Variants in GRM7 observed in about 807,000 individuals in gnomAD.
The protein encoded by GRM7 is glutamate metabotropic receptor 7.
A neutral mutation model predicts 84.5 loss-of-function variants in GRM7; 35 were observed. The ratio of observed to expected loss-of-function variants is 0.41; its 90% CI spans 0.32 to 0.55. The LOEUF is 0.55. GRM7 is among the 20% of genes least tolerant of loss of function. The pLI is 0.19. For missense variants in GRM7, 1,003 were observed against 1,194.6 expected, an observed-to-expected ratio of 0.84 and a Z score of 2.36; for synonymous variants, 487 against 455.1, an observed-to-expected ratio of 1.07 and a Z score of -0.89.
chr3:7,174,368 A>G (rs577376081), intron 2 of GRM7, among the ~76,000 whole-genome samples: 5 of 152,352 alleles, frequency 3.3e-5, no homozygotes, highest in Admixed American at 6.5e-5. Flanking sequence ...GTGACATCAT[A>G]GTGATTTAGA....
chr3:7,080,076 C>T (rs1289759100), intron 1 of GRM7, among the ~76,000 whole-genome samples: 1 of 152,114 alleles, frequency 6.6e-6, no homozygotes, highest in Non-Finnish European at 1.5e-5. Context: ...CTTCCTTATG[C>T]TTCCCCATTA....
chr3:7,263,540 G>A (rs576563348), intron 2 of GRM7, among the ~76,000 whole-genome samples: 2 of 152,312 alleles, frequency 1.3e-5, no homozygotes, highest in African/African-American at 4.8e-5. Context: ...GTCAGGGGCG[G>A]CTCCACCTCC....
chr3:7,071,787 A>G (rs966409981), intron 1 of GRM7, among the ~76,000 whole-genome samples: 8 of 152,104 alleles, frequency 5.3e-5, no homozygotes, highest in Non-Finnish European at 7.4e-5. Flanking sequence ...TAAAAGATAT[A>G]TTTATAATAA....
intron 2 of GRM7, 26 bp downstream of exon 2, chr3:7,146,694 C>T (rs370677852): frequency 3.5e-5 from 54 of 1,537,142 alleles, no homozygotes; most frequent in Middle Eastern, 1.7e-4. Flanking sequence ...TCTGATCAAG[C>T]TGGCTCTCTT....
chr3:7,180,667 G>T (rs1393133755), intron 2 of GRM7, among the ~76,000 whole-genome samples: 1 of 152,168 alleles, frequency 6.6e-6, no homozygotes, highest in African/African-American at 2.4e-5. Flanking sequence ...TAGCGAAGAA[G>T]TACTTTAGCA....
At chr3:7,102,337 A>G (rs1462371541) in intron 1 of GRM7, among the ~76,000 whole-genome samples, 1 of 151,744 alleles carries the variant, frequency 6.6e-6, no homozygotes, top group Non-Finnish European at 1.5e-5. Context: ...TAATTCATTA[A>G]CAACATTGTT....
chr3:6,900,469 T>G (rs187045355), intron 1 of GRM7, among the ~76,000 whole-genome samples: 1 of 152,242 alleles, frequency 6.6e-6, no homozygotes, highest in East Asian at 1.9e-4. Flanking sequence ...AAATACATAA[T>G]CTTGATATTA....
At chr3:7,507,823 A>C (rs1385039021) in intron 7 of GRM7, among the ~76,000 whole-genome samples, 1 of 152,230 alleles carries the variant, frequency 6.6e-6, no homozygotes, top group Non-Finnish European at 1.5e-5. Flanking sequence ...CAAACAAGAC[A>C]GAATGCTTAC....
At chr3:6,878,285 C>T (rs445564) in intron 1 of GRM7, among the ~76,000 whole-genome samples, 49,308 of 151,400 alleles carry the variant, frequency 0.33, 8,374 homozygotes, top group South Asian at 0.46. Context: ...AAAGTTGTAA[C>T]TAAATATGTA....
At chr3:7,121,458 A>G (rs1387697355) in intron 1 of GRM7, among the ~76,000 whole-genome samples, 1 of 152,160 alleles carries the variant, frequency 6.6e-6, no homozygotes, top group African/African-American at 2.4e-5. Context: ...GTATAAATAC[A>G]TTATTGAAGT....
At chr3:7,487,794 A>C (rs146258819) in intron 7 of GRM7, among the ~76,000 whole-genome samples, 1 of 152,206 alleles carries the variant, frequency 6.6e-6, no homozygotes, top group Admixed American at 6.5e-5. Context: ...TCACTAAAAC[A>C]ATGCTGAATG....
intron 2 of GRM7, among the ~76,000 whole-genome samples, chr3:7,197,009 C>T (rs1695901125): frequency 6.6e-6 from 1 of 152,114 alleles, no homozygotes; most frequent in African/African-American, 2.4e-5. Flanking sequence ...CAAAGGTAGA[C>T]TTTTCTTGAA....
rs1299541368 is a variant in GRM7 at position 7,315,127 on chromosome 3, CA to C, written c.1033+8482del. Among the ~76,000 whole-genome samples, 5 of 151,804 alleles carry C rather than the reference CA, an allele frequency of 3.3e-5. No individual in the cohort carries two copies. In the East Asian group the frequency reaches 7.7e-4, roughly 23 times the overall value. ...AAACAACAACAAAAACAAAACAAAA[CA>C]AAAAAACACTCCCAGTCTTTGCTGA... On this transcript the variant is annotated intron_variant, in intron 4 of 9. Coordinates refer to ENST00000357716, the MANE Select transcript of GRM7 (RefSeq NM_000844.4).
chr3:7,428,065 C>T (rs1301579171), intron 5 of GRM7, among the ~76,000 whole-genome samples: 1 of 152,130 alleles, frequency 6.6e-6, no homozygotes, highest in Non-Finnish European at 1.5e-5. Flanking sequence ...AGAAAAGATA[C>T]GGAGTGACCT....
At chr3:7,657,033 A>T (rs1233149968) in intron 8 of GRM7, among the ~76,000 whole-genome samples, 1 of 152,232 alleles carries the variant, frequency 6.6e-6, no homozygotes, top group Non-Finnish European at 1.5e-5. Flanking sequence ...CTACACACTC[A>T]TATGACTAAT....
At chr3:6,923,775 A>G (rs339014) in intron 1 of GRM7, among the ~76,000 whole-genome samples, 109,194 of 152,080 alleles carry the variant, frequency 0.72, 40,426 homozygotes, top group African/African-American at 0.92. Flanking sequence ...ATAAAATTTC[A>G]TTTTGTCATG....
intron 7 of GRM7, among the ~76,000 whole-genome samples, chr3:7,575,656 T>TTA (rs1172734198): frequency 6.6e-6 from 1 of 152,216 alleles, no homozygotes; most frequent in Admixed American, 6.5e-5. Context: ...GGGACACAGA[T>TTA]TATATTTTCA....
At chr3:7,219,779 C>A (rs1199087549) in intron 2 of GRM7, among the ~76,000 whole-genome samples, 2 of 152,142 alleles carry the variant, frequency 1.3e-5, no homozygotes. Context: ...TATCTAATAC[C>A]ATTATCCAAT....
At chr3:7,103,973 C>A (rs547769261) in intron 1 of GRM7, among the ~76,000 whole-genome samples, 1 of 151,474 alleles carries the variant, frequency 6.6e-6, no homozygotes, top group East Asian at 2.0e-4. Flanking sequence ...TCATTCATTG[C>A]ACCATTGTGA....
Sources: allele counts gnomAD v4.1 joint callset (sites outside exome capture counted in the v4.1 genomes callset), GRCh38; gene constraint gnomAD v4.1.1; transcripts MANE v1.5; gene names NCBI Gene and HGNC (gene_info 2026-07-23, HGNC 2026-07-21).